SMU1: variants seen among roughly 807,000 people sequenced by gnomAD.
The protein encoded by SMU1 is WD40 repeat-containing protein SMU1.
In SMU1, 2 loss-of-function variants were observed where a neutral mutation model predicts 62.0. The observed-to-expected ratio is 0.03, with a 90% CI of 0.01 to 0.10. SMU1 has a LOEUF of 0.10. Ranked by LOEUF, SMU1 falls within the 10% of genes least tolerant of loss-of-function variation. The pLI is 1.00. For missense variants in SMU1, 227 were observed against 622.1 expected, an observed-to-expected ratio of 0.36 and a Z score of 6.76; for synonymous variants, 188 against 212.4, an observed-to-expected ratio of 0.89 and a Z score of 1.00.
At chr9:33,066,617 C>T (rs539585841) in intron 4 of SMU1, among the ~76,000 whole-genome samples, 1 of 151,782 alleles carries the variant, frequency 6.6e-6, no homozygotes, top group Non-Finnish European at 1.5e-5. Context: ...ACCATCCTGG[C>T]CAACATGGTG....
chr9:33,047,122 A>G lies in SMU1; in HGVS notation c.*171T>C. ...AAACTAATACCTTAAAAATATATAA[A>G]AAAAGAAAGGGTAGTTGCTACTTAA... On this transcript the variant is annotated 3_prime_UTR_variant, in exon 12 of 12. Transcript: ENST00000397149. The G allele has an allele frequency of 3.8e-6, 2 of 529,034 alleles. No homozygotes were observed. Among genetic ancestry groups the G allele is most frequent in the Non-Finnish European group, 6.7e-6 (2 of 296,472 alleles). 32.8% of individuals were successfully genotyped at this position (529,034 alleles called of 1,614,324 possible). A position where few individuals can be genotyped will look rare whatever the true frequency, so the allele number is the denominator to read the frequency against.
rs2119441720 is a variant in SMU1, at chr9:33,065,001, C to T, written c.502-2824G>A. Among the ~76,000 whole-genome samples the T allele has an allele frequency of 2.6e-5, 4 of 152,298 alleles. 1 individual carries two copies. The Middle Eastern group carries it at 0.014, about 518-fold the overall frequency. ...CGGTTGATCCACCCACCTGGGCTTCCCAAAGTGCTGGGATTACAGATGTGA... is the reference window on the plus strand; with the variant it reads ...CGGTTGATCCACCCACCTGGGCTTCTCAAAGTGCTGGGATTACAGATGTGA... On this transcript the variant is annotated intron_variant, in intron 4 of 11. Transcript: ENST00000397149.
chr9:33,070,604 A>G (rs1175275621), intron 3 of SMU1, among the ~76,000 whole-genome samples: 1 of 152,228 alleles, frequency 6.6e-6, no homozygotes, highest in African/African-American at 2.4e-5. Flanking sequence ...CAGTGTTCAC[A>G]ATAGGCAAGA....
chr9:33,065,864 G>T (rs1839413943), intron 4 of SMU1, among the ~76,000 whole-genome samples: 1 of 152,186 alleles, frequency 6.6e-6, no homozygotes. Flanking sequence ...TGAGGACAGG[G>T]TGGAGGTGAG....
chr9:33,063,179 T>G (rs1173885098), intron 4 of SMU1, among the ~76,000 whole-genome samples: 3 of 152,178 alleles, frequency 2.0e-5, no homozygotes, highest in African/African-American at 7.2e-5. Context: ...CTGGTCAACA[T>G]GGTGAAACCC....
At chr9:33,053,416 C>A in intron 9 of SMU1, 126 bp from the exon 10 acceptor site, 1 of 997,268 alleles carries the variant, frequency 1.0e-6, no homozygotes, top group Non-Finnish European at 1.4e-6. Flanking sequence ...AAGTTTCTTA[C>A]TTGATTTTAG....
At chr9:33,050,825 C>CAA (rs771666326) in intron 10 of SMU1, among the ~76,000 whole-genome samples, 1 of 78,406 alleles carries the variant, frequency 1.3e-5, no homozygotes, top group South Asian at 3.7e-4. Flanking sequence ...GACTCCATCT[C>CAA]AAAAAAAAAA....
chr9:33,065,878 C>T (rs1839414168), intron 4 of SMU1, among the ~76,000 whole-genome samples: 1 of 152,136 alleles, frequency 6.6e-6, no homozygotes, highest in Non-Finnish European at 1.5e-5. Context: ...AGGTGAGAAG[C>T]CACAATGAAA....
At chr9:33,071,617 T>G in intron 3 of SMU1, 123 bp downstream of exon 3, 1 of 971,516 alleles carries the variant, frequency 1.0e-6, no homozygotes, top group East Asian at 2.8e-5. Flanking sequence ...AGAAGCATCA[T>G]TCTCAAAAAT....
At chr9:33,058,979 T>C (rs1420327034) in intron 6 of SMU1, among the ~76,000 whole-genome samples, 2 of 152,134 alleles carry the variant, frequency 1.3e-5, no homozygotes, top group African/African-American at 2.4e-5. Context: ...ACAGACTTCA[T>C]AGTGTAAGAA....
intron 4 of SMU1, among the ~76,000 whole-genome samples, chr9:33,066,382 C>T (rs1180268798): frequency 1.3e-5 from 2 of 151,806 alleles, no homozygotes; most frequent in Non-Finnish European, 2.9e-5. Context: ...TTACTGGACT[C>T]AGTACTCCCA....
At chr9:33,068,751 T>C in intron 4 of SMU1, 73 bp downstream of exon 4, 5 of 1,542,694 alleles carry the variant, frequency 3.2e-6, no homozygotes, top group Non-Finnish European at 4.4e-6. Flanking sequence ...GTGATTCTCC[T>C]GCCTCAGCCT....
chr9:33,063,291 C>T (rs964309547), intron 4 of SMU1, among the ~76,000 whole-genome samples: 13 of 151,810 alleles, frequency 8.6e-5, no homozygotes, highest in African/African-American at 2.9e-4. Flanking sequence ...GAACCCGGGA[C>T]GCAGAGGTTG....
At chr9:33,071,232 C>G (rs113935030) in intron 3 of SMU1, among the ~76,000 whole-genome samples, 4 of 151,968 alleles carry the variant, frequency 2.6e-5, no homozygotes, top group Admixed American at 2.6e-4. Flanking sequence ...AGAATGAAAC[C>G]ATACAGATAA....
chr9:33,073,899 C>T, intron 1 of SMU1, 93 bp from the exon 2 acceptor site: 1 of 1,147,526 alleles, frequency 8.7e-7, no homozygotes, highest in East Asian at 2.4e-5. Flanking sequence ...ATCTTCCTTT[C>T]ACTACTATTT....
intron 6 of SMU1, 53 bp downstream of exon 6, chr9:33,060,412 T>C: frequency 6.7e-7 from 1 of 1,500,138 alleles, no homozygotes; most frequent in Non-Finnish European, 9.0e-7. Context: ...GGTAAGTAAT[T>C]CAAAGCAGGT....
chr9:33,071,771 A>T lies in SMU1; in HGVS notation c.359T>A (p.Leu120His), dbSNP rs767408086. The T allele has an allele frequency of 3.1e-6, 5 of 1,612,286 alleles. No individual in the cohort carries two copies. The highest frequency in any genetic ancestry group is 4.2e-6 in the Non-Finnish European group (5 of 1,179,432). The change falls in exon 3 of 12, where the codon CTT (leucine) becomes CAT (histidine). Residue 120 changes from leucine to histidine, a missense_variant. By Grantham distance (99) the Leu-to-His change is moderately conservative (BLOSUM62 -3). This residue lies in a region of SMU1 where 99 missense variants were observed against 270.3 expected (regional missense o/e 0.37). Coordinates refer to ENST00000397149, the MANE Select transcript of SMU1 (RefSeq NM_018225.3). ...QPERYIHLENLLARSYFDPRE... is the reference protein window; with the variant it reads ...QPERYIHLENHLARSYFDPRE... ...AGGATCAAAGTAAGACCTGGCCAAA[A>T]GGTTCTCCAGATGAATATATCGCTC...
At position 33,056,102 on chromosome 9, in the gene SMU1, A is replaced by G. The variant is rs374144479; in HGVS notation, c.1122+11T>C. ...AGACATCCCAAAATAAACTGATAGC[A>G]AATACTTAACCTTTACAGTGCCATC... On this transcript the variant is annotated intron_variant, in intron 9 of 11. Transcript: ENST00000397149. 8.8e-6 allele frequency: 14 copies of G among 1,594,868 alleles called. 1 individual carries two copies. The African/African-American group carries it at 1.1e-4, about 12-fold the overall frequency.
chr9:33,073,879 C>T, intron 1 of SMU1, 73 bp from the exon 2 acceptor site: 1 of 1,345,784 alleles, frequency 7.4e-7, no homozygotes, highest in Non-Finnish European at 1.0e-6. Flanking sequence ...TATCAAGCTC[C>T]TACTCAATCA....
Sources: gnomAD v4.1 joint callset for allele counts (sites outside exome capture counted in the v4.1 genomes callset) on GRCh38, gnomAD v4.1.1 for gene constraint, gnomAD v4.1.1 regional missense constraint, MANE v1.5 for transcripts, NCBI Gene and HGNC (gene_info 2026-07-23, HGNC 2026-07-21) for gene names.